Variants in TMEM266 observed in about 807,000 individuals in gnomAD.
TMEM266 encodes the protein Hv1 related protein 1.
In TMEM266, 33 loss-of-function variants were observed where a neutral mutation model predicts 50.5. The observed-to-expected ratio is 0.65, with a 90% CI of 0.50 to 0.87. The LOEUF is 0.87. TMEM266 is among the 40% of genes least tolerant of loss of function. TMEM266 has a pLI of 0.00. For missense variants in TMEM266, 655 were observed against 695.1 expected (o/e 0.94, Z 0.65); for synonymous variants, 310 against 292.3 (o/e 1.06, Z -0.62).
chr15:76,137,652 A>G lies in TMEM266; in HGVS notation c.39-55A>G, dbSNP rs555987589. 10 of 1,545,100 alleles carry G rather than the reference A, an allele frequency of 6.5e-6. 1 individual carries two copies. In the East Asian group the frequency reaches 1.4e-4, roughly 21 times the overall value. ...CCCTCCTTTCCTTGAGGAATGGAAG[A>G]ATTTTTTGGCCCTTGAAGATAACTC... is the stretch of plus-strand genomic sequence containing the variant. On this transcript the variant is annotated intron_variant, in intron 2 of 10. Transcript: ENST00000388942.
At chr15:76,078,365 A>T (rs2036635698) in intron 1 of TMEM266, among the ~76,000 whole-genome samples, 1 of 151,190 alleles carries the variant, frequency 6.6e-6, no homozygotes, top group Non-Finnish European at 1.5e-5. Context: ...TCTCTTTCTC[A>T]CACACACACA....
chr15:76,203,998 C>T lies in TMEM266; in HGVS notation c.1279C>T (p.Pro427Ser). ...GTCCTCTGAGCCCGGCCCTTCTCCCCCGCCGCTGCCATCCCAGCAGCAGGT... is the reference window on the plus strand; with the variant it reads ...GTCCTCTGAGCCCGGCCCTTCTCCCTCGCCGCTGCCATCCCAGCAGCAGGT... The change falls in exon 11 of 11, where the codon CCG becomes TCG. Residue 427 changes from proline (P) to serine (S), a missense_variant. Physicochemically the swap from Pro to Ser is moderately conservative, Grantham distance 74. This residue lies in a region of TMEM266 where 455 missense variants were observed against 401.8 expected (regional missense o/e 1.13). Transcript: ENST00000388942. 3 of 1,608,932 alleles carry T rather than the reference C, an allele frequency of 1.9e-6. No individual in the cohort carries two copies. Among genetic ancestry groups the T allele is most frequent in the Non-Finnish European group, 2.6e-6 (3 of 1,176,210 alleles).
intron 1 of TMEM266, among the ~76,000 whole-genome samples, chr15:76,079,268 G>A (rs545006999): frequency 2.0e-5 from 3 of 149,876 alleles, no homozygotes; most frequent in South Asian, 2.1e-4. Flanking sequence ...CTGGAGAATC[G>A]CTTGAACCCC....
intron 1 of TMEM266, among the ~76,000 whole-genome samples, chr15:76,121,306 C>T (rs1255510535): frequency 1.3e-5 from 2 of 152,072 alleles, no homozygotes; most frequent in Non-Finnish European, 2.9e-5. Context: ...TTATGTGTTG[C>T]AGTGGACAAT....
chr15:76,095,818 C>T (rs558986715), intron 1 of TMEM266, among the ~76,000 whole-genome samples: 4 of 152,028 alleles, frequency 2.6e-5, no homozygotes, highest in South Asian at 2.1e-4. Flanking sequence ...TTCAGGGATT[C>T]GACTTCTTCC....
At chr15:76,126,703 AT>A (rs1383097042) in intron 1 of TMEM266, among the ~76,000 whole-genome samples, 4 of 151,712 alleles carry the variant, frequency 2.6e-5, no homozygotes, top group Non-Finnish European at 2.9e-5. Flanking sequence ...TAATTTTTGT[AT>A]TTTTAGTAGA....
At chr15:76,082,795 C>A (rs1465173675) in intron 1 of TMEM266, among the ~76,000 whole-genome samples, 1 of 152,078 alleles carries the variant, frequency 6.6e-6, no homozygotes. Flanking sequence ...ATGGTGAAAC[C>A]CTGTCTCTAC....
chr15:76,184,015 C>T (rs1433343707), intron 8 of TMEM266, among the ~76,000 whole-genome samples: 1 of 152,196 alleles, frequency 6.6e-6, no homozygotes, highest in African/African-American at 2.4e-5. Context: ...TGAGAGAATG[C>T]CAACGGCTCT....
intron 3 of TMEM266, among the ~76,000 whole-genome samples, chr15:76,143,326 A>T (rs2037709232): frequency 6.6e-6 from 1 of 151,858 alleles, no homozygotes; most frequent in African/African-American, 2.4e-5. Context: ...CACCCCTCCC[A>T]TTCATGTCTC....
chr15:76,067,660 GAAAA>G (rs1567138614), intron 1 of TMEM266, among the ~76,000 whole-genome samples: 1 of 138,126 alleles, frequency 7.2e-6, no homozygotes, highest in East Asian at 2.1e-4. Context: ...GAAAAGAAAA[GAAAA>G]GAAAAGAAAA....
Position 76,168,380 on chromosome 15 carries a change from G to A in TMEM266, c.457-1436G>A, listed in dbSNP as rs551006066. Among the ~76,000 whole-genome samples the A allele has an allele frequency of 6.6e-6, 1 of 152,258 alleles. No individual in the cohort carries two copies. Among genetic ancestry groups the A allele is most frequent in the Non-Finnish European group, 1.5e-5 (1 of 68,046 alleles). ...TGGATTTTACCAGCCAAGCCTTTCT[G>A]TGGCATAACAGCTGTGGGTGATGAT... On this transcript the variant is annotated intron_variant, in intron 5 of 10. Transcript: ENST00000388942. The surrounding 1 kb of genome is among the most constrained non-coding windows in gnomAD (Gnocchi z 4.4).
At chr15:76,085,046 G>T (rs1348928517) in intron 1 of TMEM266, among the ~76,000 whole-genome samples, 1 of 149,296 alleles carries the variant, frequency 6.7e-6, no homozygotes, top group East Asian at 2.0e-4. Flanking sequence ...TACAAGCTCC[G>T]CCTCCCAGGT....
intron 9 of TMEM266, 62 bp from the exon 10 acceptor site, chr15:76,202,139 AG>A: frequency 7.1e-7 from 1 of 1,407,982 alleles, no homozygotes. Context: ...GGGTGGGGAC[AG>A]GAGTATAAGG....
At chr15:76,092,649 C>T (rs1032592122) in intron 1 of TMEM266, among the ~76,000 whole-genome samples, 12 of 151,536 alleles carry the variant, frequency 7.9e-5, no homozygotes, top group African/African-American at 2.7e-4. Flanking sequence ...GAGACTGTGC[C>T]ACTGCACTTC....
At chr15:76,133,352 G>A (rs1056352494) in intron 1 of TMEM266, among the ~76,000 whole-genome samples, 2 of 151,744 alleles carry the variant, frequency 1.3e-5, no homozygotes, top group African/African-American at 2.4e-5. Context: ...CAGGAGAATC[G>A]CTTTAACCCA....
intron 9 of TMEM266, among the ~76,000 whole-genome samples, chr15:76,198,559 G>A (rs974924734): frequency 1.3e-5 from 2 of 152,242 alleles, no homozygotes; most frequent in Non-Finnish European, 2.9e-5. Flanking sequence ...TACTGAGTGT[G>A]TGGTGACTCC....
chr15:76,194,830 T>C (rs1376094674), intron 9 of TMEM266, among the ~76,000 whole-genome samples: 2 of 152,168 alleles, frequency 1.3e-5, no homozygotes, highest in African/African-American at 4.8e-5. Flanking sequence ...ACTAATGACA[T>C]CTGCAACCGC....
Position 76,170,953 on chromosome 15 carries a change from C to T in TMEM266, c.514-40C>T, listed in dbSNP as rs376271119. The T allele has an allele frequency of 7.1e-5, 113 of 1,586,704 alleles. 1 individual carries two copies. Among genetic ancestry groups the T allele is most frequent in the Middle Eastern group, 4.3e-4 (2 of 4,624 alleles). Reference sequence around the variant, plus strand: ...TGACTGACCCCTGGTCCCGGACACACGGCAGGGCCCAGGGCACTGAAATGG... The same window carrying T: ...TGACTGACCCCTGGTCCCGGACACATGGCAGGGCCCAGGGCACTGAAATGG... On this transcript the variant is annotated intron_variant, in intron 6 of 10. Transcript: ENST00000388942.
intron 1 of TMEM266, among the ~76,000 whole-genome samples, chr15:76,101,658 G>A (rs2037001714): frequency 6.6e-6 from 1 of 152,224 alleles, no homozygotes; most frequent in African/African-American, 2.4e-5. Context: ...ACAGACAAAT[G>A]TCAGTATCTA....
Sources: allele counts gnomAD v4.1 joint callset (sites outside exome capture counted in the v4.1 genomes callset), GRCh38; gene constraint gnomAD v4.1.1; regional missense constraint gnomAD v4.1.1; non-coding constraint Gnocchi (gnomAD v3.1); transcripts MANE v1.5; gene names NCBI Gene and HGNC (gene_info 2026-07-23, HGNC 2026-07-21).